Variants in ZNF23 observed in about 807,000 individuals in gnomAD.
ZNF23 encodes zinc finger protein 23.
A neutral mutation model predicts 56.2 loss-of-function variants in ZNF23; 48 were observed. The ratio of observed to expected loss-of-function variants is 0.85; its 90% confidence interval spans 0.68 to 1.09. ZNF23 has a LOEUF of 1.09. Among genes scored for constraint, ZNF23 ranks in the 50% least tolerant of loss-of-function variants. The probability of loss-of-function intolerance (pLI) is 0.00; values close to 1 mark genes in which losing one functional copy is unlikely to be tolerated. For synonymous variants in ZNF23, 266 were observed against 283.3 expected (o/e 0.94, Z 0.61); for missense variants, 805 against 811.4 (o/e 0.99, Z 0.10).
At position 71,448,202 on chromosome 16, in the gene ZNF23, G is replaced by C; in HGVS notation, c.1952C>G (p.Thr651Arg). The C allele has an allele frequency of 6.2e-7, 1 of 1,614,212 alleles. No homozygotes were observed. The highest frequency in any genetic ancestry group is 8.5e-7 in the Non-Finnish European group (1 of 1,180,034). ...SFSSDYIIHQTVHTWKKPYMC... is the reference protein window; with the variant it reads ...SFSSDYIIHQRVHTWKKPYMC... ...ATAGGGTTTCTTCCAAGTGTGGACT[G>C]TCTGATGTATAATGTAGTCAGAACT... The change falls in exon 5 of 5, where the codon ACA becomes AGA. Residue 651 changes from threonine (T) to arginine (R), a missense_variant. Coordinates refer to ENST00000647773, the MANE Select transcript of ZNF23 (RefSeq NM_001381984.1).
At chr16:71,459,717 G>C (rs2043371502) in intron 1 of ZNF23, among the ~76,000 whole-genome samples, 1 of 152,158 alleles carries the variant, frequency 6.6e-6, no homozygotes, top group South Asian at 2.1e-4. Context: ...CTCTGACCTA[G>C]TAATTGCTTA....
chr16:71,453,476 C>T (rs1046052789), intron 3 of ZNF23, 126 bp from the exon 4 acceptor site: 2 of 696,646 alleles, frequency 2.9e-6, no homozygotes, highest in Non-Finnish European at 2.5e-6. Context: ...TCCCAAGCCT[C>T]AGGACTACGG....
rs193210616 is a variant in ZNF23 at position 71,458,556 on chromosome 16, C to T, written c.-32-1728G>A. On this transcript the variant is annotated intron_variant, in intron 1 of 4. Transcript: ENST00000647773. Reference sequence around the variant, plus strand: ...CCTCCAATGTGACTGTATATGGAGACGGGGCCTGTCAGGAGGTTACAAGGA... The same window carrying T: ...CCTCCAATGTGACTGTATATGGAGATGGGGCCTGTCAGGAGGTTACAAGGA... 2.8e-3 allele frequency among the ~76,000 whole-genome samples: 424 copies of T among 152,228 alleles called. 5 individuals carry two copies. The South Asian group carries it at 0.029, about 11-fold the overall frequency.
chr16:71,449,087 C>G lies in ZNF23; in HGVS notation c.1067G>C (p.Cys356Ser). The change falls in exon 5 of 5, where the codon TGT (cysteine) becomes TCT (serine). Residue 356 changes from cysteine (C) to serine (S), a missense_variant. By Grantham distance (112) the Cys-to-Ser change is moderately radical. Coordinates refer to ENST00000647773, the MANE Select transcript of ZNF23 (RefSeq NM_001381984.1). ...TGEKPYECND[C>S]GKAFNVNAKL... is the part of the protein sequence containing the mutation. ...TGCATTAACATTGAACGCTTTCCCA[C>G]AGTCATTACACTCGTAAGGTTTCTC... 1 of 1,614,196 alleles carries G rather than the reference C, an allele frequency of 6.2e-7. No individual in the cohort carries two copies. The highest frequency in any genetic ancestry group is 8.5e-7 in the Non-Finnish European group (1 of 1,180,030).
chr16:71,454,295 G>A, intron 2 of ZNF23, 127 bp from the exon 3 acceptor site: 3 of 1,268,200 alleles, frequency 2.4e-6, no homozygotes, highest in Non-Finnish European at 3.1e-6. Flanking sequence ...TTAACAACAA[G>A]GGGAAGATCT....
Position 71,454,171 on chromosome 16 carries a change from G to A in ZNF23, c.34-3C>T, listed in dbSNP as rs769956306. The stretch of plus-strand genomic sequence containing the variant: ...ACGTCCTCAAAGGTCACCGACTTCT[G>A]AAACAATAGGTTCCTGCTGCCCTAG... On this transcript the variant is annotated splice_polypyrimidine_tract_variant and splice_region_variant and intron_variant, in intron 2 of 4. Transcript: ENST00000647773. 5 of 1,612,036 alleles carry A rather than the reference G, an allele frequency of 3.1e-6. No individual in the cohort carries two copies. In the South Asian group the frequency reaches 5.5e-5, roughly 18 times the overall value.
intron 1 of ZNF23, among the ~76,000 whole-genome samples, chr16:71,459,301 A>G (rs2043353451): frequency 6.6e-6 from 1 of 152,190 alleles, no homozygotes; most frequent in Non-Finnish European, 1.5e-5. Flanking sequence ...TTCCCCGTCG[A>G]TCCCCCAGCG....
intron 3 of ZNF23, chr16:71,453,745 G>A: frequency 1.8e-6 from 1 of 544,674 alleles, no homozygotes; most frequent in South Asian, 2.3e-5. Context: ...GGTAAGATGA[G>A]GGGGCAACTG....
rs2042971368 is a variant in ZNF23 at position 71,449,447 on chromosome 16, T to C, written c.707A>G (p.Glu236Gly). ...LIQHQENNTEEKPYQCSECGK... is the reference protein window; with the variant it reads ...LIQHQENNTEGKPYQCSECGK... ...ACACTCCGAACACTGATAAGGCTTT[T>C]CCTCAGTGTTGTTCTCTTGATGTTG... Residue 236 changes from glutamate to glycine, a missense_variant, in exon 5 of 5, where the codon GAA (glutamate) becomes GGA (glycine). Glu to Gly is a moderately conservative substitution (Grantham distance 98). Transcript: ENST00000647773. 5 of 1,614,136 alleles carry C rather than the reference T, an allele frequency of 3.1e-6. No individual in the cohort carries two copies. Among genetic ancestry groups the C allele is most frequent in the Non-Finnish European group, 3.4e-6 (4 of 1,180,062 alleles).
At chr16:71,460,788 ATT>A (rs2043416691) in intron 1 of ZNF23, among the ~76,000 whole-genome samples, 1 of 152,240 alleles carries the variant, frequency 6.6e-6, no homozygotes, top group Non-Finnish European at 1.5e-5. Context: ...ATAATTCAAC[ATT>A]TGTGCCTAAT....
In ZNF23 at chr16:71,449,962, C is replaced by T. The variant is rs1248413795; in HGVS notation, c.269-77G>A. On this transcript the variant is annotated intron_variant, in intron 4 of 4. Coordinates refer to ENST00000647773, the MANE Select transcript of ZNF23 (RefSeq NM_001381984.1). ...AGAAGAGAACTGTGCTATAAAAGAC[C>T]ATAATAATCAGGGGGCTCCTTAAAA... The T allele has an allele frequency of 2.5e-6, 3 of 1,215,654 alleles. No individual in the cohort carries two copies. In the East Asian group the frequency reaches 7.6e-5, roughly 31 times the overall value. 75.3% of individuals were successfully genotyped at this position (1,215,654 alleles called of 1,614,324 possible). A position where few individuals can be genotyped will look rare whatever the true frequency, so the allele number is the denominator to read the frequency against.
intron 2 of ZNF23, among the ~76,000 whole-genome samples, chr16:71,454,630 C>A (rs1425986551): frequency 6.6e-6 from 1 of 152,092 alleles, no homozygotes; most frequent in African/African-American, 2.4e-5. Context: ...CTCATCCAGC[C>A]CCACCAGATT....
At chr16:71,458,384 A>G (rs2043314282) in intron 1 of ZNF23, among the ~76,000 whole-genome samples, 1 of 152,168 alleles carries the variant, frequency 6.6e-6, no homozygotes, top group South Asian at 2.1e-4. Flanking sequence ...CTGGTTCATG[A>G]TTCTTTCCAT....
In ZNF23 at chr16:71,448,979, G is replaced by A; in HGVS notation, c.1175C>T (p.Ser392Phe). The change falls in exon 5 of 5, where the codon TCC becomes TTC. Residue 392 changes from serine to phenylalanine, a missense_variant. Physicochemically the swap from Ser to Phe is radical, Grantham distance 155. Transcript: ENST00000647773. The part of the protein sequence containing the change: ...NECGKGFRCS[S>F]QLRQHQSIHT... ...GATGCTCTGATGCTGCCTAAGCTGG[G>A]AGCTGCACCTGAAGCCTTTTCCACA... 1 of 1,614,128 alleles carries A rather than the reference G, an allele frequency of 6.2e-7. No individual in the cohort carries two copies. The highest frequency in any genetic ancestry group is 8.5e-7 in the Non-Finnish European group (1 of 1,180,012).
intron 1 of ZNF23, among the ~76,000 whole-genome samples, chr16:71,461,041 T>C (rs1203175064): frequency 2.6e-5 from 4 of 152,106 alleles, no homozygotes; most frequent in Admixed American, 2.6e-4. Flanking sequence ...TGGTGCCATT[T>C]ATATGAAGCT....
At chr16:71,450,991 CTG>C (rs2043039871) in intron 4 of ZNF23, 1 of 165,542 alleles carries the variant, frequency 6.0e-6, no homozygotes, top group Non-Finnish European at 1.3e-5. Flanking sequence ...AGAACATTAA[CTG>C]TGGGCTTTCC....
At chr16:71,456,101 T>C (rs1292300662) in intron 2 of ZNF23, 1 of 452,546 alleles carries the variant, frequency 2.2e-6, no homozygotes, top group Admixed American at 2.4e-5. Context: ...ATGGATGAGC[T>C]TCAGGGGATC....
chr16:71,449,757 G>A lies in ZNF23; in HGVS notation c.397C>T (p.Gln133Ter), dbSNP rs147937440. Residue 133 changes from glutamine to a stop codon, truncating the protein, a stop_gained, in exon 5 of 5, where the codon CAG becomes TAG. Transcript: ENST00000647773. LOFTEE classifies it high-confidence loss of function. ...FSEASLLEKQQEVHSAGNIKK... is the reference protein window; with the variant it reads ...FSEASLLEKQ ...ATATTTCCTGCTGAGTGGACTTCCT[G>A]TTGTTTCTCTAGAAGAGAGGCTTCT... 3.1e-6 allele frequency: 5 copies of A among 1,613,946 alleles called. No homozygotes were observed. The highest frequency in any genetic ancestry group is 2.2e-5 in the South Asian group (2 of 91,078).
chr16:71,462,180 G>C (rs754133745), intron 1 of ZNF23, 30 bp downstream of exon 1: 1 of 152,314 alleles, frequency 6.6e-6, no homozygotes, highest in Non-Finnish European at 1.5e-5. Context: ...GACAGGGCAC[G>C]GCACACAGCG....
Sources: gnomAD v4.1 joint callset for allele counts (sites outside exome capture counted in the v4.1 genomes callset) on GRCh38, gnomAD v4.1.1 for gene constraint, MANE v1.5 for transcripts, NCBI Gene and HGNC (gene_info 2026-07-23, HGNC 2026-07-21) for gene names.